CCDC91: variants seen among roughly 807,000 people sequenced by gnomAD.
CCDC91 encodes coiled-coil domain-containing protein 91.
A neutral mutation model predicts 63.2 loss-of-function variants in CCDC91; 48 were observed. That is an observed-to-expected ratio of 0.76 (90% CI 0.60 to 0.97). The LOEUF is 0.97. CCDC91 is among the 50% of genes least tolerant of loss of function. CCDC91 has a pLI of 0.00. For missense variants in CCDC91, 500 were observed against 494.6 expected, an observed-to-expected ratio of 1.01 and a Z score of -0.10; for synonymous variants, 167 against 165.8, an observed-to-expected ratio of 1.01 and a Z score of -0.06.
At position 28,531,333 on chromosome 12, in the gene CCDC91, T is replaced by C. The variant is rs528322591; in HGVS notation, c.1216-17730T>C. Among the ~76,000 whole-genome samples the C allele has an allele frequency of 4.6e-5, 7 of 152,264 alleles. No individual in the cohort carries two copies. The East Asian group carries it at 1.2e-3, about 25-fold the overall frequency. On this transcript the variant is annotated intron_variant, in intron 12 of 12. Coordinates refer to ENST00000536442, the MANE Select transcript of CCDC91 (RefSeq NM_018318.5). ...AAGATTTTATGATAAAAATTAAGACTCGACAAATTATCAAAATTTTTTATA... is the reference window on the plus strand; with the variant it reads ...AAGATTTTATGATAAAAATTAAGACCCGACAAATTATCAAAATTTTTTATA...
At chr12:28,449,960 G>A (rs563671937) in intron 8 of CCDC91, among the ~76,000 whole-genome samples, 11 of 151,756 alleles carry the variant, frequency 7.2e-5, no homozygotes, top group African/African-American at 2.7e-4. Context: ...TTGAACTTGG[G>A]GCTAAGAAAT....
intron 3 of CCDC91, among the ~76,000 whole-genome samples, chr12:28,274,101 G>A (rs911895943): frequency 1.3e-5 from 2 of 151,996 alleles, no homozygotes; most frequent in Non-Finnish European, 2.9e-5. Context: ...ACAGGGAATC[G>A]TTTCCCCATT....
chr12:28,268,064 T>A (rs1275714876), intron 3 of CCDC91, among the ~76,000 whole-genome samples: 1 of 139,108 alleles, frequency 7.2e-6, no homozygotes, highest in South Asian at 2.1e-4. Context: ...TAAAAATAAT[T>A]AATAATAATA....
chr12:28,458,469 T>A (rs1592730388), intron 11 of CCDC91, among the ~76,000 whole-genome samples: 1 of 119,640 alleles, frequency 8.4e-6, no homozygotes, highest in South Asian at 3.0e-4. Context: ...TTTTTTTTTT[T>A]TTTTTTTTTT....
At chr12:28,317,301 C>T (rs574411922) in intron 6 of CCDC91, among the ~76,000 whole-genome samples, 49 of 151,950 alleles carry the variant, frequency 3.2e-4, no homozygotes, top group Admixed American at 5.2e-4. Flanking sequence ...TTGTTAATAC[C>T]ATATTCTTAG....
intron 1 of CCDC91, among the ~76,000 whole-genome samples, chr12:28,223,696 T>A (rs1041080473): frequency 1.3e-5 from 2 of 152,250 alleles, no homozygotes; most frequent in Non-Finnish European, 2.9e-5. Flanking sequence ...CTGCTACTGA[T>A]GCAAAATCAG....
intron 8 of CCDC91, among the ~76,000 whole-genome samples, chr12:28,393,586 A>G (rs569766394): frequency 6.6e-6 from 1 of 152,130 alleles, no homozygotes; most frequent in South Asian, 2.1e-4. Context: ...GCTTTATTTT[A>G]TCTGTGCTTG....
chr12:28,332,601 G>T (rs894850430), intron 6 of CCDC91, among the ~76,000 whole-genome samples: 2 of 152,146 alleles, frequency 1.3e-5, no homozygotes, highest in African/African-American at 4.8e-5. Flanking sequence ...TCTATATTTT[G>T]TGGAAGTTAA....
chr12:28,441,734 C>A (rs1367275474), intron 8 of CCDC91, among the ~76,000 whole-genome samples: 2 of 118,690 alleles, frequency 1.7e-5, no homozygotes, highest in South Asian at 2.7e-4. Context: ...TATCATATAT[C>A]TCATATATAT....
intron 3 of CCDC91, among the ~76,000 whole-genome samples, chr12:28,297,644 TA>T (rs1437391895): frequency 2.0e-5 from 3 of 151,842 alleles, no homozygotes; most frequent in Non-Finnish European, 1.5e-5. Context: ...AGATTTCTCT[TA>T]AAAAATTTTG....
At chr12:28,342,764 A>G (rs951208234) in intron 6 of CCDC91, among the ~76,000 whole-genome samples, 1 of 152,170 alleles carries the variant, frequency 6.6e-6, no homozygotes, top group African/African-American at 2.4e-5. Context: ...AAGACTACAT[A>G]TGTGGGTTCA....
At chr12:28,287,144 C>G (rs192432117) in intron 3 of CCDC91, among the ~76,000 whole-genome samples, 1 of 151,884 alleles carries the variant, frequency 6.6e-6, no homozygotes. Context: ...ATATTTTCTC[C>G]CATTCTGTAG....
At chr12:28,505,913 G>A (rs1273969088) in intron 12 of CCDC91, among the ~76,000 whole-genome samples, 3 of 151,902 alleles carry the variant, frequency 2.0e-5, no homozygotes, top group East Asian at 3.9e-4. Context: ...GCACCTTTGC[G>A]CCACAGGAAA....
At chr12:28,191,844 G>A (rs2121168677) in intron 1 of CCDC91, among the ~76,000 whole-genome samples, 1 of 152,296 alleles carries the variant, frequency 6.6e-6, no homozygotes, top group East Asian at 1.9e-4. Context: ...GCATGGTGTT[G>A]GCTAACCAGT....
chr12:28,509,779 G>A (rs1474874949), intron 12 of CCDC91, among the ~76,000 whole-genome samples: 2 of 151,740 alleles, frequency 1.3e-5, no homozygotes, highest in African/African-American at 2.4e-5. Context: ...GGAGAAGAAG[G>A]AAACATAAAA....
At chr12:28,243,945 A>C (rs1945526446) in intron 1 of CCDC91, among the ~76,000 whole-genome samples, 1 of 152,216 alleles carries the variant, frequency 6.6e-6, no homozygotes. Context: ...CCTGACATCC[A>C]AATCAAATGA....
At chr12:28,307,896 A>G in intron 6 of CCDC91, 147 bp downstream of exon 6, 1 of 575,112 alleles carries the variant, frequency 1.7e-6, no homozygotes, top group South Asian at 2.3e-5. Context: ...GGCTAAATTA[A>G]TGGGAAGACA....
intron 7 of CCDC91, among the ~76,000 whole-genome samples, chr12:28,388,153 T>C (rs1241308959): frequency 6.6e-6 from 1 of 152,228 alleles, no homozygotes; most frequent in African/African-American, 2.4e-5. Context: ...TTTTTTCATA[T>C]GTTTGTTGCC....
intron 12 of CCDC91, among the ~76,000 whole-genome samples, chr12:28,540,248 G>T (rs7139433): frequency 0.091 from 13,815 of 152,058 alleles, 1,926 homozygotes; most frequent in African/African-American, 0.3. Context: ...TTTAAGGCAA[G>T]GATTTTTTAT....
Sources: allele counts gnomAD v4.1 joint callset (sites outside exome capture counted in the v4.1 genomes callset), GRCh38; gene constraint gnomAD v4.1.1; transcripts MANE v1.5; gene names NCBI Gene and HGNC (gene_info 2026-07-23, HGNC 2026-07-21).